PCDHA7: variants seen among roughly 807,000 people sequenced by gnomAD.
PCDHA7 encodes the protein protocadherin alpha-7.
Under a neutral mutation model 57.2 loss-of-function variants are expected in PCDHA7, and 37 were observed. That is an observed-to-expected ratio of 0.65 (90% CI 0.50 to 0.85). The LOEUF (loss-of-function observed/expected upper bound fraction) is 0.85. Ranked by LOEUF, PCDHA7 falls within the 40% of genes least tolerant of loss-of-function variation. The pLI is 0.00. For missense variants in PCDHA7, 1,188 were observed against 1,241.8 expected (o/e 0.96, Z 0.65); for synonymous variants, 553 against 558.8 (o/e 0.99, Z 0.15).
intron 1 of PCDHA7, chr5:140,884,234 G>T (rs375170723): frequency 3.7e-6 from 6 of 1,613,500 alleles, no homozygotes; most frequent in Non-Finnish European, 4.2e-6. Context: ...GGACCACGGT[G>T]AGCCCGCGCT....
In PCDHA7 at chr5:140,876,882, G is replaced by A. The variant is rs377092859; in HGVS notation, c.2355+40144G>A. The A allele has an allele frequency of 3.2e-5, 52 of 1,614,140 alleles. 1 individual carries two copies. The African/African-American group carries it at 4.3e-4, about 13-fold the overall frequency. On this transcript the variant is annotated intron_variant, in intron 1 of 3. Transcript: ENST00000525929. ...TGTTCGTGAAGGAGAACAACCCGCC[G>A]GGCTGCCACATCTTCACGGTGTCGG...
chr5:140,836,455 C>G lies in PCDHA7; in HGVS notation c.2072C>G (p.Thr691Ser). 6.2e-7 allele frequency: 1 copy of G among 1,613,840 alleles called. No individual in the cohort carries two copies. Among genetic ancestry groups the G allele is most frequent in the Non-Finnish European group, 8.5e-7 (1 of 1,179,860 alleles). Residue 691 changes from threonine (T) to serine (S), a missense_variant, in exon 1 of 4, where the codon ACC becomes AGC. Around this residue, in one of 3 missense-constraint regions of PCDHA7, gnomAD observed 892 missense variants for 788.5 expected, o/e 1.13. Coordinates refer to ENST00000525929, the MANE Select transcript of PCDHA7 (RefSeq NM_018910.3). Reference sequence around the variant, plus strand: ...TCGTTGGGCATTGCAGGCCCAGAGACCGAGCTGGTGGATGTCAACGTGTAC... The same window carrying G: ...TCGTTGGGCATTGCAGGCCCAGAGAGCGAGCTGGTGGATGTCAACGTGTAC... The part of the protein sequence containing the change: ...RASLGIAGPE[T>S]ELVDVNVYLI...
intron 1 of PCDHA7, among the ~76,000 whole-genome samples, chr5:140,938,521 T>C (rs2092100005): frequency 6.6e-6 from 1 of 150,974 alleles, no homozygotes; most frequent in African/African-American, 2.4e-5. Context: ...TTTTCTGTTA[T>C]TGAATGGATA....
intron 1 of PCDHA7, among the ~76,000 whole-genome samples, chr5:140,914,027 T>C (rs188298966): frequency 6.6e-6 from 1 of 152,186 alleles, no homozygotes; most frequent in Non-Finnish European, 1.5e-5. Context: ...ATCCACGTGC[T>C]GAGAAGAATG....
intron 1 of PCDHA7, chr5:140,869,867 C>T (rs1554163562): frequency 6.2e-7 from 1 of 1,609,988 alleles, no homozygotes; most frequent in East Asian, 2.2e-5. Flanking sequence ...ATGGAAAATG[C>T]TGCTAAAGAA....
intron 1 of PCDHA7, chr5:140,884,038 G>A (rs1554181095): frequency 6.2e-7 from 1 of 1,613,432 alleles, no homozygotes; most frequent in South Asian, 1.1e-5. Context: ...CAGGCCACGT[G>A]GTGGCGAAGG....
Position 140,870,192 on chromosome 5 carries a change from G to T in PCDHA7, c.2355+33454G>T. 6 of 1,614,158 alleles carry T rather than the reference G, an allele frequency of 3.7e-6. No homozygotes were observed. Among genetic ancestry groups the T allele is most frequent in the Non-Finnish European group, 5.1e-6 (6 of 1,180,034 alleles). ...CCCTCCCAGTACGAGAGGACGCTCAGCCCAGCACGGTCATTGCCCTGATCA... is the reference window on the plus strand; with the variant it reads ...CCCTCCCAGTACGAGAGGACGCTCATCCCAGCACGGTCATTGCCCTGATCA... On this transcript the variant is annotated intron_variant, in intron 1 of 3. Coordinates refer to ENST00000525929, the MANE Select transcript of PCDHA7 (RefSeq NM_018910.3).
At chr5:140,862,809 G>A in intron 1 of PCDHA7, 1 of 572,722 alleles carries the variant, frequency 1.7e-6, no homozygotes, top group Non-Finnish European at 3.4e-6. Context: ...AGCTGCTGCA[G>A]TTCTAGGTGA....
chr5:141,006,992 A>C (rs1187318452), intron 3 of PCDHA7, among the ~76,000 whole-genome samples: 3 of 152,196 alleles, frequency 2.0e-5, no homozygotes, highest in Non-Finnish European at 2.9e-5. Flanking sequence ...GGCTTAAAAT[A>C]TAAGTCTGCA....
intron 1 of PCDHA7, chr5:140,856,650 G>A (rs2044132398): frequency 1.3e-6 from 2 of 1,598,026 alleles, no homozygotes; most frequent in African/African-American, 2.7e-5. Flanking sequence ...CTGCTGGATC[G>A]TGAAGAAAAT....
chr5:140,852,885 ATTT>A, intron 1 of PCDHA7: 4 of 778,030 alleles, frequency 5.1e-6, no homozygotes, highest in Non-Finnish European at 6.3e-6. Flanking sequence ...CATAAAACGT[ATTT>A]TTTTTTTTGA....
chr5:140,932,373 A>T (rs927239233), intron 1 of PCDHA7, among the ~76,000 whole-genome samples: 1 of 151,942 alleles, frequency 6.6e-6, no homozygotes, highest in Non-Finnish European at 1.5e-5. Flanking sequence ...AAATTTCCAC[A>T]TGAAAGTTAT....
Position 140,858,084 on chromosome 5 carries a change from C to T in PCDHA7, c.2355+21346C>T, listed in dbSNP as rs781886260. 2 of 1,597,664 alleles carry T rather than the reference C, an allele frequency of 1.3e-6. No homozygotes were observed. Among genetic ancestry groups the T allele is most frequent in the Admixed American group, 1.7e-5 (1 of 59,290 alleles). ...GGCAGCCAGGCACCCAAGGCCTCGT[C>T]GCGGGCTTCAGTGGGCGTGGCGCCC... is the stretch of plus-strand genomic sequence containing the variant. On this transcript the variant is annotated intron_variant, in intron 1 of 3. Transcript: ENST00000525929.
In PCDHA7 at chr5:140,852,643, C is replaced by T. The variant is rs2150521089; in HGVS notation, c.2355+15905C>T. 453 of 958,790 alleles carry T rather than the reference C, an allele frequency of 4.7e-4. 23 individuals carry two copies. The African/African-American group carries it at 7.6e-3, about 16-fold the overall frequency. 59.4% of individuals were successfully genotyped at this position (958,790 alleles called of 1,614,324 possible). ...TGGTCTCTGAGCTCCTGTCATTAAA[C>T]CTATCTATATCTGTCTATCAGCACA... is the stretch of plus-strand genomic sequence containing the variant. On this transcript the variant is annotated intron_variant, in intron 1 of 3. Transcript: ENST00000525929.
intron 1 of PCDHA7, among the ~76,000 whole-genome samples, chr5:140,973,624 A>G (rs2096595807): frequency 6.6e-6 from 1 of 152,204 alleles, no homozygotes; most frequent in African/African-American, 2.4e-5. Flanking sequence ...CTGTTTCTGT[A>G]TCTTGTACAC....
chr5:140,878,899 G>A (rs1301967468), intron 1 of PCDHA7, among the ~76,000 whole-genome samples: 2 of 152,152 alleles, frequency 1.3e-5, no homozygotes, highest in African/African-American at 4.8e-5. Flanking sequence ...CTACAGGCAG[G>A]CTCCACCACT....
intron 1 of PCDHA7, chr5:140,861,213 A>C: frequency 6.0e-6 from 1 of 166,518 alleles, no homozygotes; most frequent in Non-Finnish European, 1.3e-5. Flanking sequence ...ACTAACCAAA[A>C]GAGAGGCATA....
chr5:140,963,312 TG>T (rs2153735087), intron 1 of PCDHA7, among the ~76,000 whole-genome samples: 1 of 152,332 alleles, frequency 6.6e-6, no homozygotes, highest in African/African-American at 2.4e-5. Flanking sequence ...AGAAGCTGTT[TG>T]TATTAGAATT....
At chr5:140,920,505 T>C (rs545028033) in intron 1 of PCDHA7, among the ~76,000 whole-genome samples, 1 of 152,344 alleles carries the variant, frequency 6.6e-6, no homozygotes, top group South Asian at 2.1e-4. Flanking sequence ...TTCTACATAC[T>C]GTTTTATGCA....
Sources: gnomAD v4.1 joint callset for allele counts (sites outside exome capture counted in the v4.1 genomes callset) on GRCh38, gnomAD v4.1.1 for gene constraint, gnomAD v4.1.1 regional missense constraint, MANE v1.5 for transcripts, NCBI Gene and HGNC (gene_info 2026-07-23, HGNC 2026-07-21) for gene names.